The following CSMD3 variants were observed in gnomAD, a reference collection of about 807,000 sequenced individuals.
CSMD3 encodes the protein CUB and Sushi multiple domains 3.
CSMD3 carries 177 observed loss-of-function variants against 435.2 expected under a neutral mutation model. That is an observed-to-expected ratio of 0.41 (90% CI 0.36 to 0.46). The LOEUF is 0.46. Among genes scored for constraint, CSMD3 ranks in the 20% least tolerant of loss-of-function variants. The pLI is 0.34. For synonymous variants in CSMD3, 1,656 were observed against 1,520.5 expected (o/e 1.09, Z -2.07); for missense variants, 4,265 against 4,504.6 (o/e 0.95, Z 1.52).
At chr8:113,226,755 T>C (rs2093033410) in intron 3 of CSMD3, among the ~76,000 whole-genome samples, 1 of 151,644 alleles carries the variant, frequency 6.6e-6, no homozygotes, top group African/African-American at 2.4e-5. Context: ...TTCCTGCCCC[T>C]GAAGCAGGCT....
At chr8:113,332,464 A>T (rs1563711213) in intron 1 of CSMD3, among the ~76,000 whole-genome samples, 1 of 151,110 alleles carries the variant, frequency 6.6e-6, no homozygotes, top group African/African-American at 2.4e-5. Context: ...TGAACAAAAA[A>T]TCACTGTATT....
intron 3 of CSMD3, among the ~76,000 whole-genome samples, chr8:113,237,904 G>A (rs1246029061): frequency 1.3e-5 from 2 of 151,954 alleles, no homozygotes; most frequent in African/African-American, 4.8e-5. Flanking sequence ...GTGAAGCCCC[G>A]CCTCTACTAA....
chr8:112,340,516 C>G (rs1200920590), intron 42 of CSMD3, among the ~76,000 whole-genome samples: 1 of 152,064 alleles, frequency 6.6e-6, no homozygotes, highest in South Asian at 2.1e-4. Flanking sequence ...CTCCAATGAA[C>G]AACCCAATTG....
chr8:113,436,529 G>C lies in CSMD3; in HGVS notation c.178+148C>G, dbSNP rs188173986. 5.8e-4 allele frequency: 471 copies of C among 809,378 alleles called. 1 individual carries two copies. The African/African-American group carries it at 7.2e-3, about 12-fold the overall frequency. The allele number at this position is 809,378 out of a possible 1,614,324, so 50.1% of individuals were successfully genotyped here. ...CAAGCAAAATGCATTTCCTATCTGA[G>C]GGGGGGAGAACGAGCTGTGAATCAA... On this transcript the variant is annotated intron_variant, in intron 1 of 70. Transcript: ENST00000297405.
intron 7 of CSMD3, among the ~76,000 whole-genome samples, chr8:112,968,535 T>C (rs1035746411): frequency 6.6e-6 from 1 of 151,898 alleles, no homozygotes; most frequent in African/African-American, 2.4e-5. Context: ...TATGGTTCCC[T>C]ACACTAAATT....
chr8:113,277,033 G>A (rs2093576545), intron 3 of CSMD3, among the ~76,000 whole-genome samples: 1 of 151,940 alleles, frequency 6.6e-6, no homozygotes, highest in African/African-American at 2.4e-5. Context: ...TAATTCACAA[G>A]TACATTTTCA....
chr8:113,114,975 AG>A (rs1438333542), intron 4 of CSMD3, among the ~76,000 whole-genome samples: 1 of 152,232 alleles, frequency 6.6e-6, no homozygotes. Flanking sequence ...TAAAGGGCTG[AG>A]ATGATGCCTA....
In CSMD3 at chr8:112,495,371, T is replaced by C. The variant is rs186885604; in HGVS notation, c.5084-2688A>G. On this transcript the variant is annotated intron_variant, in intron 30 of 70. Transcript: ENST00000297405. ...AAGTTTGCTTTCTCCTTCTTTGAAGTTTTCCTCAATGTTTCAATATAATGT... is the reference window on the plus strand; with the variant it reads ...AAGTTTGCTTTCTCCTTCTTTGAAGCTTTCCTCAATGTTTCAATATAATGT... 1.2e-3 allele frequency among the ~76,000 whole-genome samples: 185 copies of C among 152,290 alleles called. 1 individual carries two copies. Among genetic ancestry groups the C allele is most frequent in the African/African-American group, 4.3e-3 (178 of 41,566 alleles).
chr8:112,404,880 A>T lies in CSMD3; in HGVS notation c.5809+1644T>A, dbSNP rs139584642. ...AAAAATTTTGCTTATCTTTTATTTT[A>T]AAAAGTATTATTTTCAGCTGGGTGC... On this transcript the variant is annotated intron_variant, in intron 35 of 70. Transcript: ENST00000297405. Among the ~76,000 whole-genome samples the T allele has an allele frequency of 3.5e-3, 538 of 151,948 alleles. 4 individuals carry two copies. The highest frequency in any genetic ancestry group is 0.013 in the African/African-American group (521 of 41,456).
Position 113,089,674 on chromosome 8 carries a change from G to C in CSMD3, c.917+9082C>G, listed in dbSNP as rs1014034688. ...TTTTATGGACTATAGTGCAAATAAG[G>C]CAAGTATAGTGCAAGTCTTCACTTG... On this transcript the variant is annotated intron_variant, in intron 5 of 70. Transcript: ENST00000297405. Among the ~76,000 whole-genome samples, 3 of 152,076 alleles carry C rather than the reference G, an allele frequency of 2.0e-5. No homozygotes were observed. In the East Asian group the frequency reaches 5.8e-4, roughly 30 times the overall value.
intron 17 of CSMD3, among the ~76,000 whole-genome samples, chr8:112,660,672 A>C (rs2075358528): frequency 6.6e-6 from 1 of 152,222 alleles, no homozygotes; most frequent in Non-Finnish European, 1.5e-5. Flanking sequence ...ATTTCAGTTT[A>C]CAACATTTGG....
At chr8:112,304,521 C>T (rs939892726) in intron 52 of CSMD3, among the ~76,000 whole-genome samples, 200 bp downstream of exon 52, 1 of 151,954 alleles carries the variant, frequency 6.6e-6, no homozygotes, top group African/African-American at 2.4e-5. Context: ...ATCCAAAGCC[C>T]ATGTTTTTCT....
At chr8:113,184,624 C>T (rs990764041) in intron 3 of CSMD3, among the ~76,000 whole-genome samples, 2 of 152,058 alleles carry the variant, frequency 1.3e-5, no homozygotes, top group East Asian at 1.9e-4. Context: ...CAACTCAAAA[C>T]GTATGGCCAA....
intron 35 of CSMD3, among the ~76,000 whole-genome samples, chr8:112,394,914 T>C (rs1830739141): frequency 6.6e-6 from 1 of 152,234 alleles, no homozygotes; most frequent in South Asian, 2.1e-4. Context: ...AAATTATTGC[T>C]GAATAAATCA....
chr8:113,030,878 G>T (rs1437413486), intron 5 of CSMD3, among the ~76,000 whole-genome samples: 1 of 151,536 alleles, frequency 6.6e-6, no homozygotes, highest in Non-Finnish European at 1.5e-5. Context: ...TTTCACAGAA[G>T]AGGATTTACA....
At chr8:112,878,999 T>C (rs1474884750) in intron 10 of CSMD3, among the ~76,000 whole-genome samples, 2 of 152,130 alleles carry the variant, frequency 1.3e-5, no homozygotes, top group African/African-American at 4.8e-5. Context: ...ATAAAGCATG[T>C]GTTTGAACAA....
chr8:113,303,401 G>GA (rs1207352963), intron 2 of CSMD3, among the ~76,000 whole-genome samples: 1 of 151,364 alleles, frequency 6.6e-6, no homozygotes, highest in East Asian at 1.9e-4. Flanking sequence ...CACAGAATTG[G>GA]AAAAAACTAC....
intron 1 of CSMD3, among the ~76,000 whole-genome samples, chr8:113,431,985 C>A (rs531406938): frequency 6.6e-6 from 1 of 152,096 alleles, no homozygotes; most frequent in Non-Finnish European, 1.5e-5. Flanking sequence ...TGGAACGAAG[C>A]CTTTGCTCCT....
chr8:113,256,625 G>C (rs1234534624), intron 3 of CSMD3, among the ~76,000 whole-genome samples: 2 of 152,158 alleles, frequency 1.3e-5, no homozygotes, highest in Non-Finnish European at 2.9e-5. Context: ...ACCTCATTTA[G>C]AGCAGATTTC....
Sources: gnomAD v4.1 joint callset for allele counts (sites outside exome capture counted in the v4.1 genomes callset) on GRCh38, gnomAD v4.1.1 for gene constraint, MANE v1.5 for transcripts, NCBI Gene and HGNC (gene_info 2026-07-23, HGNC 2026-07-21) for gene names.